The following SCTR variants were observed in gnomAD, a reference collection of about 807,000 sequenced individuals.
SCTR encodes the protein pancreatic secretin receptor.
In SCTR, 56 loss-of-function variants were observed where a neutral mutation model predicts 60.8. The observed-to-expected ratio is 0.92, with a 90% CI of 0.74 to 1.15. The LOEUF (loss-of-function observed/expected upper bound fraction) is 1.15. SCTR is among the 50% of genes most tolerant of loss of function. SCTR has a pLI of 0.00. For synonymous variants in SCTR, 202 were observed against 217.0 expected, an observed-to-expected ratio of 0.93 and a Z score of 0.61; for missense variants, 562 against 550.4, an observed-to-expected ratio of 1.02 and a Z score of -0.21.
At chr2:119,475,484 T>C (rs1391221719) in intron 3 of SCTR, among the ~76,000 whole-genome samples, 1 of 151,752 alleles carries the variant, frequency 6.6e-6, no homozygotes, top group Non-Finnish European at 1.5e-5. Flanking sequence ...TTCCACTCTG[T>C]AGAGCTGCAA....
At chr2:119,475,583 C>T (rs1677237353) in intron 3 of SCTR, among the ~76,000 whole-genome samples, 1 of 146,372 alleles carries the variant, frequency 6.8e-6, no homozygotes, top group African/African-American at 2.5e-5. Context: ...CCTCAGGGGA[C>T]CCCTGAAAGG....
chr2:119,466,449 T>C (rs1419621510), intron 4 of SCTR, among the ~76,000 whole-genome samples: 2 of 152,208 alleles, frequency 1.3e-5, no homozygotes, highest in East Asian at 1.9e-4. Context: ...ATTTTCTCTA[T>C]GTCAAATATT....
intron 1 of SCTR, among the ~76,000 whole-genome samples, chr2:119,511,049 A>G (rs1008283169): frequency 6.6e-6 from 1 of 152,024 alleles, no homozygotes; most frequent in East Asian, 1.9e-4. Flanking sequence ...TACAAAAAAA[A>G]AAAATTAGCC....
At chr2:119,497,359 A>T (rs1434288220) in intron 1 of SCTR, among the ~76,000 whole-genome samples, 1 of 152,150 alleles carries the variant, frequency 6.6e-6, no homozygotes, top group Non-Finnish European at 1.5e-5. Context: ...AAAAAAAAAA[A>T]AGCTAACTAA....
chr2:119,503,198 AG>A (rs1387875361), intron 1 of SCTR, among the ~76,000 whole-genome samples: 1 of 151,930 alleles, frequency 6.6e-6, no homozygotes, highest in African/African-American at 2.4e-5. Flanking sequence ...AAAGGAAAAA[AG>A]AAATGAGCCA....
chr2:119,466,975 T>C (rs1683860241), intron 4 of SCTR, among the ~76,000 whole-genome samples: 1 of 152,204 alleles, frequency 6.6e-6, no homozygotes, highest in Non-Finnish European at 1.5e-5. Flanking sequence ...TCCCCTGATC[T>C]ATACATTGCG....
intron 1 of SCTR, among the ~76,000 whole-genome samples, chr2:119,514,642 A>G (rs1441224289): frequency 1.3e-5 from 2 of 152,124 alleles, no homozygotes; most frequent in African/African-American, 4.8e-5. Flanking sequence ...TTGGGAGGCC[A>G]AGGCAGGTGG....
rs533113570 is a variant in SCTR at position 119,466,818 on chromosome 2, T to C, written c.406-932A>G. Among the ~76,000 whole-genome samples, 11 of 152,246 alleles carry C rather than the reference T, an allele frequency of 7.2e-5. No homozygotes were observed. The East Asian group carries it at 2.1e-3, about 29-fold the overall frequency. On this transcript the variant is annotated intron_variant, in intron 4 of 12. Transcript: ENST00000019103. ...ATATTCCCTGTGTCTTTAACCTCTT[T>C]CCACAATCCTTCAACCTTTAGTTAA...
At chr2:119,460,026 C>A (rs1286267812) in intron 7 of SCTR, among the ~76,000 whole-genome samples, 1 of 151,896 alleles carries the variant, frequency 6.6e-6, no homozygotes, top group African/African-American at 2.4e-5. Context: ...ACTCTGCAAC[C>A]TCCCGATGGC....
At chr2:119,518,055 C>T (rs1679169346) in intron 1 of SCTR, among the ~76,000 whole-genome samples, 1 of 152,148 alleles carries the variant, frequency 6.6e-6, no homozygotes, top group Non-Finnish European at 1.5e-5. Flanking sequence ...ACTGGAAATG[C>T]CACATGAGGA....
At chr2:119,500,812 G>C (rs896999186) in intron 1 of SCTR, among the ~76,000 whole-genome samples, 1 of 152,126 alleles carries the variant, frequency 6.6e-6, no homozygotes, top group Non-Finnish European at 1.5e-5. Flanking sequence ...GTGTTTGATA[G>C]ATCAGTAGGG....
intron 2 of SCTR, among the ~76,000 whole-genome samples, chr2:119,484,377 CAA>C (rs148212278): frequency 0.016 from 2,433 of 152,252 alleles, 69 homozygotes; most frequent in African/African-American, 0.055. Context: ...AGTGGGGAAA[CAA>C]GAGAAGACAA....
intron 1 of SCTR, among the ~76,000 whole-genome samples, chr2:119,509,926 G>A (rs1231570006): frequency 1.3e-5 from 2 of 151,600 alleles, no homozygotes; most frequent in Non-Finnish European, 2.9e-5. Context: ...ATTGCACCTC[G>A]CTTGTTTCGC....
intron 1 of SCTR, among the ~76,000 whole-genome samples, chr2:119,515,444 G>A (rs1363577760): frequency 6.6e-6 from 1 of 152,216 alleles, no homozygotes; most frequent in African/African-American, 2.4e-5. Flanking sequence ...GGGTGTTTCT[G>A]GAGGAGATTG....
chr2:119,453,055 C>T (rs944944950), intron 8 of SCTR, among the ~76,000 whole-genome samples: 5 of 152,108 alleles, frequency 3.3e-5, no homozygotes, highest in African/African-American at 7.2e-5. Flanking sequence ...ACATGCAGAG[C>T]GGACAGGCAG....
chr2:119,479,838 G>T (rs1236995892), intron 2 of SCTR: 1 of 152,160 alleles, frequency 6.6e-6, no homozygotes, highest in Non-Finnish European at 1.5e-5. Flanking sequence ...TGGCTGCTAG[G>T]AAGCTCAGAG....
intron 1 of SCTR, among the ~76,000 whole-genome samples, chr2:119,519,851 G>A (rs374578531): frequency 1.1e-4 from 15 of 130,950 alleles, no homozygotes; most frequent in East Asian, 2.3e-4. Context: ...GAAAAACAAA[G>A]AAAAAAAAAA....
At chr2:119,501,636 A>C (rs1229657888) in intron 1 of SCTR, among the ~76,000 whole-genome samples, 3 of 152,238 alleles carry the variant, frequency 2.0e-5, no homozygotes, top group Non-Finnish European at 4.4e-5. Flanking sequence ...AATGTTTCCA[A>C]CAAAAAGAAA....
rs759628590 is a variant in SCTR at position 119,461,896 on chromosome 2, G to C, written c.741C>G (p.Ser247=). Residue 247 remains serine, a synonymous_variant, in exon 7 of 13, where the codon TCC becomes TCG. Transcript: ENST00000019103. The part of the protein sequence containing the change: ...GLYLHTLLAI[S]FFSERKYLQG... Reference sequence around the variant, plus strand: ...GGAGGTACTTTCTTTCAGAGAAGAAGGAGATGGCGAGGAGTGTGTGAAGGT... The same window carrying C: ...GGAGGTACTTTCTTTCAGAGAAGAACGAGATGGCGAGGAGTGTGTGAAGGT... The C allele has an allele frequency of 1.2e-6, 2 of 1,613,978 alleles. No individual in the cohort carries two copies. Among genetic ancestry groups the C allele is most frequent in the South Asian group, 2.2e-5 (2 of 91,014 alleles).
Sources: gnomAD v4.1 joint callset for allele counts (sites outside exome capture counted in the v4.1 genomes callset) on GRCh38, gnomAD v4.1.1 for gene constraint, MANE v1.5 for transcripts, NCBI Gene and HGNC (gene_info 2026-07-23, HGNC 2026-07-21) for gene names.